Variants in SCN1A observed in about 807,000 individuals in gnomAD.
The protein encoded by SCN1A is sodium channel protein type 1 subunit alpha.
A neutral mutation model predicts 193.7 loss-of-function variants in SCN1A; 13 were observed. The ratio of observed to expected loss-of-function variants is 0.07; its 90% CI spans 0.04 to 0.11. The LOEUF (loss-of-function observed/expected upper bound fraction) is 0.11, where lower values mean the gene tolerates loss of function less well. Ranked by LOEUF, SCN1A falls within the 10% of genes least tolerant of loss-of-function variation. The probability of loss-of-function intolerance (pLI) is 1.00; values close to 1 mark genes in which losing one functional copy is unlikely to be tolerated. For synonymous variants in SCN1A, 781 were observed against 843.6 expected (o/e 0.93, Z 1.29); for missense variants, 1,432 against 2,451.1 (o/e 0.58, Z 8.78).
At chr2:166,037,039 T>C (rs1696476637) in intron 18 of SCN1A, among the ~76,000 whole-genome samples, 1 of 152,234 alleles carries the variant, frequency 6.6e-6, no homozygotes, top group African/African-American at 2.4e-5. Context: ...TACTTCATTG[T>C]TGACTAAGTA....
intron 7 of SCN1A, chr2:166,053,168 G>A (rs1698779818): frequency 4.5e-6 from 4 of 893,168 alleles, no homozygotes; most frequent in South Asian, 4.2e-5. Context: ...GATTTTAGCA[G>A]GATTTATATT....
chr2:166,035,304 A>G (rs554366278), intron 19 of SCN1A, among the ~76,000 whole-genome samples: 11 of 152,308 alleles, frequency 7.2e-5, no homozygotes, highest in African/African-American at 1.9e-4. Context: ...ATGTTTGTCT[A>G]TTTGTTAGAT....
At chr2:166,039,063 T>C (rs6719899) in intron 17 of SCN1A, among the ~76,000 whole-genome samples, 112,193 of 152,060 alleles carry the variant, frequency 0.74, 41,781 homozygotes, top group East Asian at 0.89. Flanking sequence ...CTGATTTTCA[T>C]CCACTGCTAC....
intron 22 of SCN1A, among the ~76,000 whole-genome samples, chr2:166,011,172 T>A (rs1366939751): frequency 1.3e-5 from 2 of 151,130 alleles, no homozygotes; most frequent in Non-Finnish European, 3.0e-5. Flanking sequence ...ATAGCTTAGT[T>A]TTGCCTTTGT....
At chr2:166,001,879 CTTTTTTTTTTTTTT>C (rs71393699) in intron 24 of SCN1A, among the ~76,000 whole-genome samples, 8 of 46,406 alleles carry the variant, frequency 1.7e-4, no homozygotes, top group East Asian at 1.1e-3. Context: ...AATTCTCTCT[CTTTTTTTTTTTTTT>C]TTTTTTTTTT....
chr2:166,038,449 T>C (rs1696739355), intron 17 of SCN1A, among the ~76,000 whole-genome samples: 1 of 152,014 alleles, frequency 6.6e-6, no homozygotes, highest in African/African-American at 2.4e-5. Context: ...AAAGTGATCC[T>C]CCTGCCCCAG....
chr2:166,049,315 T>A (rs570079295), intron 9 of SCN1A, among the ~76,000 whole-genome samples: 1 of 152,094 alleles, frequency 6.6e-6, no homozygotes, highest in African/African-American at 2.4e-5. Context: ...ACGAAAAAAA[T>A]TCATTCAGTA....
At chr2:166,115,128 C>T (rs1186140972) in intron 2 of SCN1A, among the ~76,000 whole-genome samples, 3 of 152,038 alleles carry the variant, frequency 2.0e-5, no homozygotes, top group Non-Finnish European at 2.9e-5. Flanking sequence ...AAGGTCGAAA[C>T]AGGTGGATCA....
intron 3 of SCN1A, among the ~76,000 whole-genome samples, chr2:166,076,773 G>A (rs1164248881): frequency 6.6e-6 from 1 of 151,182 alleles, no homozygotes; most frequent in African/African-American, 2.4e-5. Context: ...AAGAAGCAAG[G>A]TAATAAAATG....
At chr2:166,109,582 G>T (rs117812432) in intron 2 of SCN1A, 2,439 of 152,254 alleles carry the variant, frequency 0.016, 40 homozygotes, top group Middle Eastern at 0.037. Flanking sequence ...TGCTCACTTC[G>T]TGTATCTGTG....
In SCN1A at chr2:165,994,212, G is replaced by A. The variant is rs121917993; in HGVS notation, c.4786C>T (p.Arg1596Cys). 1 of 1,612,480 alleles carries A rather than the reference G, an allele frequency of 6.2e-7. No individual in the cohort carries two copies. The highest frequency in any genetic ancestry group is 8.5e-7 in the Non-Finnish European group (1 of 1,179,030). Reference sequence around the variant, plus strand: ...CATCCAATGGTAAAATAATAATGGCGTAGAGAGATGAGTTTCAGTACACAC... The same window carrying A: ...CATCCAATGGTAAAATAATAATGGCATAGAGAGATGAGTTTCAGTACACAC... ...GECVLKLISL[R>C]HYYFTIGWNI... is the part of the protein sequence containing the mutation. The change falls in exon 28 of 29, where the codon CGC becomes TGC. Residue 1596 changes from arginine to cysteine, a missense_variant. Around this residue, in one of 18 missense-constraint regions of SCN1A, gnomAD observed 85 missense variants for 213.2 expected, o/e 0.40. Transcript: ENST00000674923.
chr2:166,049,307 G>A (rs1002037188), intron 9 of SCN1A, among the ~76,000 whole-genome samples: 1 of 151,718 alleles, frequency 6.6e-6, no homozygotes, highest in East Asian at 1.9e-4. Context: ...CCATTCTCAC[G>A]AAAAAAATTC....
At chr2:166,102,510 A>G (rs1688210864) in intron 2 of SCN1A, among the ~76,000 whole-genome samples, 1 of 98,864 alleles carries the variant, frequency 1.0e-5, no homozygotes, top group Admixed American at 1.2e-4. Context: ...CAAAAAAAAA[A>G]AAAAGAAAAA....
chr2:166,115,365 A>G (rs1689741885), intron 2 of SCN1A, among the ~76,000 whole-genome samples: 1 of 152,162 alleles, frequency 6.6e-6, no homozygotes, highest in Non-Finnish European at 1.5e-5. Context: ...TCCGTCTAAA[A>G]CAAACAAACA....
intron 24 of SCN1A, among the ~76,000 whole-genome samples, chr2:166,000,575 G>T (rs996779527): frequency 2.6e-5 from 4 of 151,590 alleles, no homozygotes; most frequent in African/African-American, 9.7e-5. Context: ...AGCCTTTAGC[G>T]TCTGTATCAC....
rs535875179 is a variant in SCN1A, at chr2:166,012,343, T to G, written c.3706-61A>C. On this transcript the variant is annotated intron_variant, in intron 21 of 28. Transcript: ENST00000674923. ...AAATAATTATACTCCATAAGCTATT[T>G]AAAAAATTAATCATATGCATATGAC... The G allele has an allele frequency of 1.4e-5, 18 of 1,321,666 alleles. No individual in the cohort carries two copies. In the South Asian group the frequency reaches 2.3e-4, roughly 17 times the overall value. 81.9% of individuals were successfully genotyped at this position (1,321,666 alleles called of 1,614,324 possible). A position where few individuals can be genotyped will look rare whatever the true frequency, so the allele number is the denominator to read the frequency against.
At chr2:166,030,033 T>C (rs1695341174) in intron 19 of SCN1A, among the ~76,000 whole-genome samples, 1 of 152,182 alleles carries the variant, frequency 6.6e-6, no homozygotes, top group African/African-American at 2.4e-5. Context: ...CTATGCCCAA[T>C]GTGCAGTGAT....
At chr2:166,050,613 GTATA>G (rs368513344) in intron 9 of SCN1A, among the ~76,000 whole-genome samples, 23 of 65,396 alleles carry the variant, frequency 3.5e-4, no homozygotes, top group South Asian at 2.9e-3. Context: ...ATTAAAAAAA[GTATA>G]TATATATATA....
rs974014123 is a variant in SCN1A at position 165,990,788 on chromosome 2, G to T, written c.*457C>A. The T allele has an allele frequency of 5.8e-5, 10 of 172,226 alleles. No individual in the cohort carries two copies. Among genetic ancestry groups the T allele is most frequent in the Admixed American group, 4.4e-4 (8 of 18,274 alleles). 10.7% of individuals were successfully genotyped at this position (172,226 alleles called of 1,614,324 possible). A position where few individuals can be genotyped will look rare whatever the true frequency, so the allele number is the denominator to read the frequency against. On this transcript the variant is annotated 3_prime_UTR_variant, in exon 29 of 29. Coordinates refer to ENST00000674923, the MANE Select transcript of SCN1A (RefSeq NM_001165963.4). ...TAGCCTATTTCTCAACAGAAACTTC[G>T]TTTACAAAAATAGTCACATATAATA...
Sources: allele counts gnomAD v4.1 joint callset (sites outside exome capture counted in the v4.1 genomes callset), GRCh38; gene constraint gnomAD v4.1.1; regional missense constraint gnomAD v4.1.1; transcripts MANE v1.5; gene names NCBI Gene and HGNC (gene_info 2026-07-23, HGNC 2026-07-21).